C10orf143: variants seen among roughly 807,000 people sequenced by gnomAD.
C10orf143 encodes uncharacterized protein C10orf143.
chr10:130,040,479 A>G (rs1458215814), intron 3 of C10orf143, among the ~76,000 whole-genome samples: 1 of 152,202 alleles, frequency 6.6e-6, no homozygotes, highest in East Asian at 1.9e-4. Flanking sequence ...GCACATCAGA[A>G]TAAGGCAGCA....
chr10:130,090,602 G>A (rs897281103), intron 1 of C10orf143, among the ~76,000 whole-genome samples: 1 of 152,152 alleles, frequency 6.6e-6, no homozygotes, highest in Non-Finnish European at 1.5e-5. Flanking sequence ...AAGCCAGGGA[G>A]CCAAGTGGTC....
chr10:130,046,727 G>A (rs1330968659), intron 3 of C10orf143, among the ~76,000 whole-genome samples: 2 of 152,230 alleles, frequency 1.3e-5, no homozygotes, highest in Non-Finnish European at 1.5e-5. Context: ...AGGGGCCTTG[G>A]GCCATGCACC....
chr10:130,072,608 A>C (rs1861051230), intron 3 of C10orf143, among the ~76,000 whole-genome samples: 1 of 152,066 alleles, frequency 6.6e-6, no homozygotes, highest in South Asian at 2.1e-4. Context: ...TTTTTTTCAA[A>C]CTGTCTTCCT....
chr10:130,070,914 A>ATTTTG (rs921929958), intron 3 of C10orf143, among the ~76,000 whole-genome samples: 4 of 151,744 alleles, frequency 2.6e-5, no homozygotes, highest in Non-Finnish European at 5.9e-5. Context: ...AACAACAAAT[A>ATTTTG]TTTTGTTTTG....
chr10:130,106,344 A>G (rs1352582499), intron 1 of C10orf143: 26 of 1,600,518 alleles, frequency 1.6e-5, no homozygotes, highest in Non-Finnish European at 2.2e-5. Context: ...AGCCTTGTTC[A>G]AAAAGAGTAT....
chr10:130,038,542 C>T (rs561032460), intron 3 of C10orf143, among the ~76,000 whole-genome samples: 15 of 152,146 alleles, frequency 9.9e-5, no homozygotes, highest in East Asian at 3.9e-4. Flanking sequence ...GCTCACAATC[C>T]GGGAGGAAAA....
chr10:130,046,986 C>A (rs145664295), intron 3 of C10orf143, among the ~76,000 whole-genome samples: 3 of 152,216 alleles, frequency 2.0e-5, no homozygotes, highest in African/African-American at 7.2e-5. Context: ...ACAGACAGTA[C>A]GGTTGTTCAG....
rs576910006 is a variant in C10orf143, at chr10:130,085,249, T to C, written c.70-5348A>G. Reference sequence around the variant, plus strand: ...AGCCTCAAACTATCTTCCCCAAGATTCGTATTAATTGTAAAGAGAAAAATA... The same window carrying C: ...AGCCTCAAACTATCTTCCCCAAGATCCGTATTAATTGTAAAGAGAAAAATA... On this transcript the variant is annotated intron_variant, in intron 1 of 3. Coordinates refer to ENST00000637128, the MANE Select transcript of C10orf143 (RefSeq NM_001355042.2). 7.2e-5 allele frequency among the ~76,000 whole-genome samples: 11 copies of C among 152,316 alleles called. No homozygotes were observed. In the East Asian group the frequency reaches 1.4e-3, roughly 19 times the overall value.
At chr10:130,071,621 A>G (rs2134754881) in intron 3 of C10orf143, among the ~76,000 whole-genome samples, 1 of 150,056 alleles carries the variant, frequency 6.7e-6, no homozygotes, top group South Asian at 2.1e-4. Flanking sequence ...TAATATATAC[A>G]GTTATATTCT....
intron 1 of C10orf143, among the ~76,000 whole-genome samples, chr10:130,097,337 G>A (rs1317979523): frequency 6.6e-6 from 1 of 152,098 alleles, no homozygotes; most frequent in African/African-American, 2.4e-5. Context: ...AAGATCATTT[G>A]AGGCCAGGGT....
chr10:130,105,967 C>G (rs934083502), intron 1 of C10orf143: 2 of 394,180 alleles, frequency 5.1e-6, no homozygotes, highest in Non-Finnish European at 1.0e-5. Flanking sequence ...GATTCGGGTT[C>G]CGGACGCAAG....
downstream of C10orf143, among the ~76,000 whole-genome samples, chr10:130,062,628 C>G (rs1276352595): frequency 6.6e-6 from 1 of 152,176 alleles, no homozygotes; most frequent in Non-Finnish European, 1.5e-5. Flanking sequence ...ATCGACTTCT[C>G]TACTTTTGAG....
intron 3 of C10orf143, among the ~76,000 whole-genome samples, chr10:130,038,190 G>A (rs1860566414): frequency 6.6e-6 from 1 of 152,216 alleles, no homozygotes; most frequent in Non-Finnish European, 1.5e-5. Flanking sequence ...AGGGAGGCAT[G>A]GACCCTGCAG....
At chr10:130,107,477 GA>G in intron 1 of C10orf143, 2 of 1,413,880 alleles carry the variant, frequency 1.4e-6, no homozygotes, top group Non-Finnish European at 2.0e-6. Context: ...TTTAAGGAAA[GA>G]AAATGCTCAC....
chr10:130,107,907 G>A, intron 1 of C10orf143: 4 of 1,347,068 alleles, frequency 3.0e-6, no homozygotes, highest in Non-Finnish European at 4.3e-6. Flanking sequence ...CCTCCACAAA[G>A]GCAAGACAGA....
At chr10:130,081,524 T>A (rs139524742) in intron 1 of C10orf143, among the ~76,000 whole-genome samples, 1 of 152,158 alleles carries the variant, frequency 6.6e-6, no homozygotes, top group African/African-American at 2.4e-5. Flanking sequence ...AGTATACACA[T>A]TCCTCTCAAG....
In C10orf143 at chr10:130,098,993, CAGG is replaced by C. The variant is rs557968394; in HGVS notation, c.69+11708_69+11710del. Among the ~76,000 whole-genome samples the C allele has an allele frequency of 1.3e-4, 19 of 150,938 alleles. No homozygotes were observed. In the East Asian group the frequency reaches 3.5e-3, roughly 28 times the overall value. On this transcript the variant is annotated intron_variant, in intron 1 of 3. Coordinates refer to ENST00000637128, the MANE Select transcript of C10orf143 (RefSeq NM_001355042.2). ...ATCTCAGCTACTAGGGAGGCTGAGG[CAGG>C]AGAATCACTTGAACCCAGGGGGCGG... is the stretch of plus-strand genomic sequence containing the variant.
chr10:130,107,340 G>A (rs1299320754), intron 1 of C10orf143: 6 of 1,061,238 alleles, frequency 5.7e-6, no homozygotes, highest in East Asian at 2.4e-5. Context: ...TACAGACAGC[G>A]AGCCAAAGAT....
intron 3 of C10orf143, among the ~76,000 whole-genome samples, chr10:130,050,238 G>C (rs1185016541): frequency 6.6e-6 from 1 of 152,262 alleles, no homozygotes; most frequent in Non-Finnish European, 1.5e-5. Context: ...GCCAAGTGCA[G>C]AATTGCGGCT....
Sources: allele counts gnomAD v4.1 joint callset (sites outside exome capture counted in the v4.1 genomes callset), GRCh38; gene constraint gnomAD v4.1.1; transcripts MANE v1.5; gene names NCBI Gene and HGNC (gene_info 2026-07-23, HGNC 2026-07-21).